Variants in SOS2 observed in about 807,000 individuals in gnomAD.
The protein encoded by SOS2 is son of sevenless homolog 2.
Under a neutral mutation model 148.2 loss-of-function variants are expected in SOS2, and 65 were observed. The observed-to-expected ratio is 0.44, with a 90% CI of 0.36 to 0.54. The LOEUF (loss-of-function observed/expected upper bound fraction) is 0.54. Among genes scored for constraint, SOS2 ranks in the 20% least tolerant of loss-of-function variants. SOS2 has a pLI of 0.00. For synonymous variants in SOS2, 539 were observed against 537.1 expected (o/e 1.00, Z -0.05); for missense variants, 1,341 against 1,590.2 (o/e 0.84, Z 2.67).
intron 1 of SOS2, among the ~76,000 whole-genome samples, chr14:50,215,127 C>T (rs937958307): frequency 3.3e-5 from 5 of 152,022 alleles, no homozygotes; most frequent in Admixed American, 2.0e-4. Flanking sequence ...TGAGCCACCG[C>T]GCCCGGCAAG....
chr14:50,186,406 A>G (rs995420942), intron 5 of SOS2, among the ~76,000 whole-genome samples: 4 of 152,166 alleles, frequency 2.6e-5, no homozygotes, highest in African/African-American at 4.8e-5. Flanking sequence ...TATTCTTCAT[A>G]CCACTAGAGA....
At chr14:50,158,769 T>C (rs1884897649) in intron 10 of SOS2, 123 bp from the exon 11 acceptor site, 2 of 638,302 alleles carry the variant, frequency 3.1e-6, no homozygotes, top group African/African-American at 3.7e-5. Flanking sequence ...GATTGTGGCT[T>C]TTCCTAACAA....
chr14:50,227,412 T>C (rs1279363903), intron 1 of SOS2, among the ~76,000 whole-genome samples: 1 of 150,212 alleles, frequency 6.7e-6, no homozygotes, highest in Non-Finnish European at 1.5e-5. Flanking sequence ...CTTGGCTAAT[T>C]TTGGTATTTT....
At chr14:50,207,744 A>G (rs1471741121) in intron 1 of SOS2, among the ~76,000 whole-genome samples, 3 of 151,692 alleles carry the variant, frequency 2.0e-5, no homozygotes, top group Non-Finnish European at 4.4e-5. Context: ...CGTCTCTACT[A>G]AAAATAAAAA....
rs576716518 is a variant in SOS2 at position 50,213,764 on chromosome 14, GA to G, written c.88-9356del. ...CCAACTCAAATTAAGATATAACTTT[GA>G]AGTGGGGGAAGAGAAAGTGGAAAGT... On this transcript the variant is annotated intron_variant, in intron 1 of 22. Transcript: ENST00000216373. Among the ~76,000 whole-genome samples, 4 of 151,684 alleles carry G rather than the reference GA, an allele frequency of 2.6e-5. No individual in the cohort carries two copies. The South Asian group carries it at 8.3e-4, about 32-fold the overall frequency.
At chr14:50,154,832 T>C (rs1884764372) in intron 12 of SOS2, among the ~76,000 whole-genome samples, 1 of 152,188 alleles carries the variant, frequency 6.6e-6, no homozygotes, top group Non-Finnish European at 1.5e-5. Context: ...CTTTCTGGGG[T>C]GTAGTAACAT....
intron 4 of SOS2, among the ~76,000 whole-genome samples, chr14:50,190,292 G>A (rs992307720): frequency 2.6e-5 from 4 of 152,066 alleles, no homozygotes; most frequent in Non-Finnish European, 5.9e-5. Flanking sequence ...ACTACAAAAA[G>A]TAAAAACTTC....
At chr14:50,167,592 G>A (rs1885208102) in intron 8 of SOS2, among the ~76,000 whole-genome samples, 1 of 151,948 alleles carries the variant, frequency 6.6e-6, no homozygotes, top group Non-Finnish European at 1.5e-5. Context: ...CTGGTAGCCA[G>A]GCGCAATGAC....
intron 4 of SOS2, among the ~76,000 whole-genome samples, chr14:50,193,716 G>T (rs1375292768): frequency 6.6e-6 from 1 of 151,642 alleles, no homozygotes; most frequent in Non-Finnish European, 1.5e-5. Flanking sequence ...CATTACTTAG[G>T]GTTACATAAC....
chr14:50,178,666 GTGTGCATATATATATATA>G (rs1444893975), intron 7 of SOS2, among the ~76,000 whole-genome samples: 870 of 70,046 alleles, frequency 0.012, 14 homozygotes, highest in African/African-American at 0.031. Flanking sequence ...GTGTGTGTGT[GTGTGCATATATATATATA>G]TATATATATA....
intron 5 of SOS2, 121 bp downstream of exon 5, chr14:50,188,376 C>T (rs1885995257): frequency 1.5e-6 from 1 of 685,330 alleles, no homozygotes; most frequent in South Asian, 1.7e-5. Flanking sequence ...CCACTGCACT[C>T]CAGCCTGGGC....
chr14:50,192,869 G>GAA (rs370084191), intron 4 of SOS2, among the ~76,000 whole-genome samples: 2 of 148,108 alleles, frequency 1.4e-5, no homozygotes, highest in African/African-American at 4.9e-5. Flanking sequence ...GTCTCAGAAG[G>GAA]AAAAAAAAAA....
chr14:50,231,578 T>C lies in SOS2; in HGVS notation c.-295A>G, dbSNP rs1240639421. 2.0e-5 allele frequency: 3 copies of C among 152,490 alleles called. No homozygotes were observed. The highest frequency in any genetic ancestry group is 7.3e-5 in the African/African-American group (3 of 41,376). The allele number at this position is 152,490 out of a possible 1,614,324, so 9.4% of individuals were successfully genotyped here. On this transcript the variant is annotated 5_prime_UTR_variant, in exon 1 of 23. Transcript: ENST00000216373. Reference sequence around the variant, plus strand: ...TTTCCCGGCGGCGCTGGCCCGCTTCTGGGGCGGCTCCTCCTCCTTTGTCTG... The same window carrying C: ...TTTCCCGGCGGCGCTGGCCCGCTTCCGGGGCGGCTCCTCCTCCTTTGTCTG...
At chr14:50,134,052 C>A in intron 19 of SOS2, 71 bp downstream of exon 19, 1 of 808,550 alleles carries the variant, frequency 1.2e-6, no homozygotes, top group South Asian at 1.4e-5. Flanking sequence ...TTTAAGATAA[C>A]AGGTTGTTAA....
At chr14:50,171,305 A>T (rs1330534404) in intron 8 of SOS2, among the ~76,000 whole-genome samples, 1 of 152,112 alleles carries the variant, frequency 6.6e-6, no homozygotes, top group Non-Finnish European at 1.5e-5. Flanking sequence ...GTATATACAT[A>T]AAATAATTCA....
intron 16 of SOS2, among the ~76,000 whole-genome samples, chr14:50,142,418 T>C (rs1884325541): frequency 6.6e-6 from 1 of 152,166 alleles, no homozygotes; most frequent in South Asian, 2.1e-4. Context: ...CAGTTTTTCC[T>C]CTATTCCCCT....
intron 4 of SOS2, among the ~76,000 whole-genome samples, chr14:50,192,131 G>A (rs1433955222): frequency 8.3e-6 from 1 of 121,212 alleles, no homozygotes; most frequent in East Asian, 2.9e-4. Flanking sequence ...CGGCTTAGGT[G>A]AGTCCTTGTC....
At chr14:50,126,477 T>C (rs1181044676) in intron 21 of SOS2, among the ~76,000 whole-genome samples, 2 of 152,046 alleles carry the variant, frequency 1.3e-5, no homozygotes, top group African/African-American at 4.8e-5. Context: ...CATAAACATA[T>C]ACAATTATCT....
intron 1 of SOS2, among the ~76,000 whole-genome samples, chr14:50,209,703 A>C (rs1429236812): frequency 6.6e-6 from 1 of 151,696 alleles, no homozygotes; most frequent in African/African-American, 2.4e-5. Context: ...GGCTGCAGTG[A>C]GCCATGATTA....
Sources: gnomAD v4.1 joint callset for allele counts (sites outside exome capture counted in the v4.1 genomes callset) on GRCh38, gnomAD v4.1.1 for gene constraint, MANE v1.5 for transcripts, NCBI Gene and HGNC (gene_info 2026-07-23, HGNC 2026-07-21) for gene names.